Variants in MRAS observed in about 807,000 individuals in gnomAD.
The protein encoded by MRAS is ras-related protein M-Ras.
A neutral mutation model predicts 20.9 loss-of-function variants in MRAS; 4 were observed. That is an observed-to-expected ratio of 0.19 (90% CI 0.09 to 0.44). The LOEUF (loss-of-function observed/expected upper bound fraction) is 0.44, where lower values mean the gene tolerates loss of function less well. Among genes scored for constraint, MRAS ranks in the 20% least tolerant of loss-of-function variants. The pLI is 0.99. For missense variants in MRAS, 154 were observed against 277.5 expected (o/e 0.56, Z 3.16); for synonymous variants, 98 against 102.9 (o/e 0.95, Z 0.29).
At chr3:138,397,549 C>G (rs953017517) in intron 3 of MRAS, 72 bp downstream of exon 3, 2 of 1,514,232 alleles carry the variant, frequency 1.3e-6, no homozygotes, top group African/African-American at 2.8e-5. Flanking sequence ...CTCTCTCTCT[C>G]TCTTTCTCTT....
At chr3:138,381,594 C>T (rs1043517807) in intron 2 of MRAS, among the ~76,000 whole-genome samples, 5 of 152,328 alleles carry the variant, frequency 3.3e-5, no homozygotes, top group African/African-American at 1.2e-4. Flanking sequence ...TTTCTTCCAT[C>T]GGTGGAGAAC....
In MRAS at chr3:138,372,972, C is replaced by G; in HGVS notation, c.89C>G (p.Thr30Ser). The stretch of plus-strand genomic sequence containing the variant: ...GGGGGTGTGGGCAAAAGTGCCCTCA[C>G]CATCCAGTTTTTCCAGAAGATCTTT... ...GDGGVGKSAL[T>S]IQFFQKIFVP... The change falls in exon 2 of 6, where the codon ACC becomes AGC. Residue 30 changes from threonine to serine, a missense_variant. Thr to Ser is a moderately conservative substitution (Grantham distance 58). Transcript: ENST00000423968. 2 of 1,572,456 alleles carry G rather than the reference C, an allele frequency of 1.3e-6. No homozygotes were observed. The highest frequency in any genetic ancestry group is 1.7e-6 in the Non-Finnish European group (2 of 1,161,936).
intron 2 of MRAS, among the ~76,000 whole-genome samples, chr3:138,390,104 G>C (rs189700151): frequency 1.1e-4 from 15 of 140,884 alleles, no homozygotes; most frequent in African/African-American, 3.9e-4. Flanking sequence ...AGGGGGAGAG[G>C]TGAGGGGGAG....
intron 2 of MRAS, among the ~76,000 whole-genome samples, chr3:138,386,276 C>T (rs192592381): frequency 6.6e-6 from 1 of 151,984 alleles, no homozygotes; most frequent in Admixed American, 6.6e-5. Flanking sequence ...CATTCTCCCC[C>T]CTCCTCAGTC....
At chr3:138,377,476 C>T (rs1185560006) in intron 2 of MRAS, among the ~76,000 whole-genome samples, 3 of 152,154 alleles carry the variant, frequency 2.0e-5, no homozygotes, top group Non-Finnish European at 4.4e-5. Flanking sequence ...GGCCTGGTGG[C>T]GCCTGTCATC....
chr3:138,390,079 G>A (rs2055099881), intron 2 of MRAS, among the ~76,000 whole-genome samples: 1 of 138,046 alleles, frequency 7.2e-6, no homozygotes, highest in African/African-American at 2.7e-5. Flanking sequence ...AGGGGGAGGA[G>A]GAGAAGCAGA....
At chr3:138,392,458 C>T (rs753124056) in intron 2 of MRAS, among the ~76,000 whole-genome samples, 11 of 152,222 alleles carry the variant, frequency 7.2e-5, no homozygotes, top group Admixed American at 6.5e-4. Flanking sequence ...CTTCAAGTCT[C>T]TCATAATGAT....
At chr3:138,372,787 T>G (rs1235450418) in intron 1 of MRAS, 79 bp from the exon 2 acceptor site, 6 of 1,077,228 alleles carry the variant, frequency 5.6e-6, no homozygotes, top group Non-Finnish European at 7.7e-6. Flanking sequence ...TATTACTTTA[T>G]AAAGGAGGAA....
intron 1 of MRAS, among the ~76,000 whole-genome samples, chr3:138,360,129 A>G (rs185167835): frequency 4.6e-5 from 7 of 152,230 alleles, no homozygotes; most frequent in South Asian, 2.1e-4. Flanking sequence ...TCACTTATTG[A>G]CACAGCCTCT....
At position 138,373,042 on chromosome 3, in the gene MRAS, T is replaced by C. The variant is rs1198226723; in HGVS notation, c.159T>C (p.His53=). Residue 53 remains histidine, a synonymous_variant, in exon 2 of 6, where the codon CAT becomes CAC. Coordinates refer to ENST00000423968, the MANE Select transcript of MRAS (RefSeq NM_001085049.3). The part of the protein sequence containing the change: ...DPTIEDSYLK[H]TEIDNQWAIL... ...CCATTGAAGACTCCTACCTGAAACA[T>C]ACGGAGATTGACAATCAATGGGCCA... 6 of 1,514,592 alleles carry C rather than the reference T, an allele frequency of 4.0e-6. No homozygotes were observed. The highest frequency in any genetic ancestry group is 1.4e-5 in the African/African-American group (1 of 69,470). The allele number at this position is 1,514,592 out of a possible 1,614,324, so 93.8% of individuals were successfully genotyped here.
chr3:138,382,628 A>G (rs1296656376), intron 2 of MRAS, among the ~76,000 whole-genome samples: 1 of 152,142 alleles, frequency 6.6e-6, no homozygotes, highest in Non-Finnish European at 1.5e-5. Context: ...ACCCCTCTCC[A>G]GCCACTGACC....
Position 138,402,564 on chromosome 3 carries a change from G to T in MRAS, c.*295G>T. ...GGTTCCTCCCCCTCTCTCGGTGGGT[G>T]TGTTGTTTATTGTAACTACATAGTG... On this transcript the variant is annotated 3_prime_UTR_variant, in exon 6 of 6. Transcript: ENST00000423968. The T allele has an allele frequency of 2.7e-6, 1 of 373,948 alleles. No homozygotes were observed. The highest frequency in any genetic ancestry group is 4.8e-6 in the Non-Finnish European group (1 of 207,638). The allele number at this position is 373,948 out of a possible 1,614,324, so 23.2% of individuals were successfully genotyped here.
intron 3 of MRAS, 79 bp from the exon 4 acceptor site, chr3:138,398,390 T>A (rs2055286072): frequency 8.4e-7 from 1 of 1,189,406 alleles, no homozygotes; most frequent in African/African-American, 1.5e-5. Flanking sequence ...GTGCTATGCC[T>A]GAGATGTGAA....
intron 2 of MRAS, among the ~76,000 whole-genome samples, chr3:138,374,672 G>T (rs2108522929): frequency 6.6e-6 from 1 of 151,950 alleles, no homozygotes; most frequent in East Asian, 1.9e-4. Flanking sequence ...TAAGGGGTAA[G>T]TGTTTGGTCT....
At chr3:138,396,889 T>A (rs995194581) in intron 2 of MRAS, among the ~76,000 whole-genome samples, 21 of 151,996 alleles carry the variant, frequency 1.4e-4, no homozygotes, top group African/African-American at 5.1e-4. Context: ...ACGGTTTTCA[T>A]TGATAGAGGA....
At chr3:138,381,697 T>G (rs1720819) in intron 2 of MRAS, among the ~76,000 whole-genome samples, 27,398 of 152,170 alleles carry the variant, frequency 0.18, 3,249 homozygotes, top group African/African-American at 0.34. Flanking sequence ...CCCCAGCAAG[T>G]GCCCAGTGTT....
rs528338459 is a variant in MRAS at position 138,398,305 on chromosome 3, C to A, written c.348-164C>A. 8.5e-5 allele frequency among the ~76,000 whole-genome samples: 13 copies of A among 152,322 alleles called. No homozygotes were observed. In the South Asian group the frequency reaches 2.7e-3, roughly 32 times the overall value. On this transcript the variant is annotated intron_variant, in intron 3 of 5. Coordinates refer to ENST00000423968, the MANE Select transcript of MRAS (RefSeq NM_001085049.3). Reference sequence around the variant, plus strand: ...CAGCCCCCGGGCCCTTTCCCCCAAGCCCTGACCTCTCTCTGGAAAGGAAGA... The same window carrying A: ...CAGCCCCCGGGCCCTTTCCCCCAAGACCTGACCTCTCTCTGGAAAGGAAGA...
At chr3:138,397,204 C>G in intron 2 of MRAS, 120 bp from the exon 3 acceptor site, 1 of 1,205,242 alleles carries the variant, frequency 8.3e-7, no homozygotes, top group Non-Finnish European at 1.2e-6. Flanking sequence ...CAGCCTCTCA[C>G]GGGACAGCTC....
intron 1 of MRAS, among the ~76,000 whole-genome samples, chr3:138,364,518 C>T (rs1444354385): frequency 6.6e-6 from 1 of 152,202 alleles, no homozygotes; most frequent in African/African-American, 2.4e-5. Flanking sequence ...AGCTCAAGCT[C>T]TTTGGCAAGG....
Sources: gnomAD v4.1 joint callset for allele counts (sites outside exome capture counted in the v4.1 genomes callset) on GRCh38, gnomAD v4.1.1 for gene constraint, MANE v1.5 for transcripts, NCBI Gene and HGNC (gene_info 2026-07-23, HGNC 2026-07-21) for gene names.